Variants in CPQ observed in about 807,000 individuals in gnomAD.
The protein encoded by CPQ is Ser-Met dipeptidase.
In CPQ, 37 loss-of-function variants were observed where a neutral mutation model predicts 45.7. That is an observed-to-expected ratio of 0.81 (90% CI 0.62 to 1.07). The LOEUF is 1.07. Among genes scored for constraint, CPQ ranks in the 50% least tolerant of loss-of-function variants. CPQ has a pLI of 0.00. For synonymous variants in CPQ, 186 were observed against 205.8 expected (o/e 0.90, Z 0.82); for missense variants, 537 against 572.9 (o/e 0.94, Z 0.64).
At chr8:96,977,413 C>T (rs1813808221) in intron 5 of CPQ, among the ~76,000 whole-genome samples, 1 of 151,966 alleles carries the variant, frequency 6.6e-6, no homozygotes, top group Admixed American at 6.6e-5. Flanking sequence ...GGTACAAGCA[C>T]TGCGGAAAAC....
At chr8:96,961,670 AT>A (rs1813463351) in intron 4 of CPQ, among the ~76,000 whole-genome samples, 1 of 152,164 alleles carries the variant, frequency 6.6e-6, no homozygotes, top group Admixed American at 6.6e-5. Flanking sequence ...TATTGTGTTT[AT>A]TTATTTTCCA....
At chr8:97,123,201 AAAT>A (rs1186999558) in intron 7 of CPQ, among the ~76,000 whole-genome samples, 2 of 126,708 alleles carry the variant, frequency 1.6e-5, no homozygotes, top group African/African-American at 5.8e-5. Context: ...AAATAAAATA[AAAT>A]AAAAAATAAA....
intron 1 of CPQ, among the ~76,000 whole-genome samples, chr8:96,714,002 TCTC>T (rs1809646068): frequency 6.6e-6 from 1 of 152,218 alleles, no homozygotes. Context: ...TGCTGAGAAG[TCTC>T]CTATTAGTCT....
intron 4 of CPQ, among the ~76,000 whole-genome samples, chr8:96,900,188 T>C (rs1812496934): frequency 6.6e-6 from 1 of 152,190 alleles, no homozygotes; most frequent in Non-Finnish European, 1.5e-5. Context: ...TAATCAAGTA[T>C]GTCTGGCTCT....
intron 5 of CPQ, among the ~76,000 whole-genome samples, chr8:96,977,654 C>A (rs1178215675): frequency 6.6e-6 from 1 of 152,092 alleles, no homozygotes; most frequent in East Asian, 1.9e-4. Flanking sequence ...CAAAAAGGAA[C>A]AAAATAATGG....
intron 1 of CPQ, among the ~76,000 whole-genome samples, chr8:96,715,954 G>T (rs564605961): frequency 6.6e-6 from 1 of 152,374 alleles, no homozygotes; most frequent in Admixed American, 6.5e-5. Flanking sequence ...GCAGGTACCA[G>T]CACTAGCTCT....
chr8:96,719,927 C>T (rs1248348608), intron 1 of CPQ, among the ~76,000 whole-genome samples: 2 of 152,182 alleles, frequency 1.3e-5, no homozygotes, highest in Non-Finnish European at 2.9e-5. Context: ...AGGGGACTTA[C>T]GGTTTTCTGC....
intron 5 of CPQ, among the ~76,000 whole-genome samples, chr8:97,024,307 T>C (rs919790985): frequency 1.3e-5 from 2 of 152,056 alleles, no homozygotes; most frequent in Non-Finnish European, 2.9e-5. Flanking sequence ...CAGAAGGCCC[T>C]GGGCTCCTTT....
At chr8:96,888,002 T>C (rs943516504) in intron 4 of CPQ, among the ~76,000 whole-genome samples, 1 of 152,240 alleles carries the variant, frequency 6.6e-6, no homozygotes, top group South Asian at 2.1e-4. Flanking sequence ...CACTTCACTT[T>C]CTTTTTTCAG....
intron 7 of CPQ, among the ~76,000 whole-genome samples, chr8:97,137,886 T>C (rs1812090740): frequency 6.8e-6 from 1 of 146,400 alleles, no homozygotes; most frequent in Non-Finnish European, 1.5e-5. Context: ...AGACTCCGTC[T>C]CAAAAAAAAA....
rs1810995701 is a variant in CPQ, at chr8:96,800,734, TG to T, written c.433+15405del. ...GAATGATATATAATACAATTGCATATGTATACATACAATTTTACATGCACAC... is the reference window on the plus strand; with the variant it reads ...GAATGATATATAATACAATTGCATATTATACATACAATTTTACATGCACAC... On this transcript the variant is annotated intron_variant, in intron 2 of 7. Transcript: ENST00000220763. 2.0e-5 allele frequency among the ~76,000 whole-genome samples: 3 copies of T among 152,338 alleles called. No individual in the cohort carries two copies. The South Asian group carries it at 6.2e-4, about 32-fold the overall frequency.
chr8:97,026,255 GCT>G (rs1316190100), intron 5 of CPQ, among the ~76,000 whole-genome samples: 11 of 152,176 alleles, frequency 7.2e-5, no homozygotes, highest in African/African-American at 2.4e-4. Flanking sequence ...CCAGGACTAT[GCT>G]TGATATACAT....
chr8:96,702,045 G>T (rs2130746390), intron 1 of CPQ, among the ~76,000 whole-genome samples: 1 of 152,254 alleles, frequency 6.6e-6, no homozygotes, highest in Non-Finnish European at 1.5e-5. Flanking sequence ...CTTCTTTGGT[G>T]ACCCACTAAA....
intron 5 of CPQ, among the ~76,000 whole-genome samples, chr8:96,973,284 C>T (rs1461208359): frequency 6.6e-6 from 1 of 151,702 alleles, no homozygotes; most frequent in Non-Finnish European, 1.5e-5. Flanking sequence ...AGTTCAAAGA[C>T]AAGGCTTTCA....
chr8:96,927,013 G>C (rs961285359), intron 4 of CPQ, among the ~76,000 whole-genome samples: 1 of 152,226 alleles, frequency 6.6e-6, no homozygotes, highest in African/African-American at 2.4e-5. Context: ...GAAAATGGGC[G>C]TAAGCTGCAA....
intron 1 of CPQ, among the ~76,000 whole-genome samples, chr8:96,697,931 A>C (rs1236561988): frequency 6.6e-6 from 1 of 152,154 alleles, no homozygotes; most frequent in Non-Finnish European, 1.5e-5. Context: ...ATACTGTCCA[A>C]AGCAATCTGC....
intron 1 of CPQ, among the ~76,000 whole-genome samples, chr8:96,717,451 T>TGACTATG (rs1182259481): frequency 6.6e-6 from 1 of 152,096 alleles, no homozygotes. Flanking sequence ...GCTGTTTTGG[T>TGACTATG]GACTATGGCC....
At chr8:96,940,827 A>G (rs953554780) in intron 4 of CPQ, among the ~76,000 whole-genome samples, 2 of 152,194 alleles carry the variant, frequency 1.3e-5, no homozygotes, top group African/African-American at 4.8e-5. Flanking sequence ...TTTAATACTC[A>G]GAGTACCTCA....
At position 96,690,383 on chromosome 8, in the gene CPQ, AT is replaced by A. The variant is rs1394366463; in HGVS notation, c.-35+44989del. On this transcript the variant is annotated intron_variant, in intron 1 of 7. Coordinates refer to ENST00000220763, the MANE Select transcript of CPQ (RefSeq NM_016134.4). ...CAATTGTCCTTATGATTTAATGAGTATTTTTTTTAATTTAGCTTTTACTCTC... is the reference window on the plus strand; with the variant it reads ...CAATTGTCCTTATGATTTAATGAGTATTTTTTTAATTTAGCTTTTACTCTC... Among the ~76,000 whole-genome samples, 26 of 152,012 alleles carry A rather than the reference AT, an allele frequency of 1.7e-4. 1 individual carries two copies. The highest frequency in any genetic ancestry group is 1.6e-3 in the Admixed American group (24 of 15,244).
Sources: allele counts gnomAD v4.1 joint callset (sites outside exome capture counted in the v4.1 genomes callset), GRCh38; gene constraint gnomAD v4.1.1; transcripts MANE v1.5; gene names NCBI Gene and HGNC (gene_info 2026-07-23, HGNC 2026-07-21).